The following SEPHS1 variants were observed in gnomAD, a reference collection of about 807,000 sequenced individuals.
SEPHS1 encodes zincore component SEPHS1.
SEPHS1 carries 7 observed loss-of-function variants against 39.2 expected under a neutral mutation model. That is an observed-to-expected ratio of 0.18 (90% CI 0.10 to 0.34). The LOEUF is 0.34. SEPHS1 is among the 10% of genes least tolerant of loss of function. The pLI is 1.00. For synonymous variants in SEPHS1, 190 were observed against 195.5 expected (o/e 0.97, Z 0.23); for missense variants, 253 against 514.5 (o/e 0.49, Z 4.92).
At chr10:13,335,992 A>AAG (rs1833620518) in intron 4 of SEPHS1, among the ~76,000 whole-genome samples, 1 of 151,234 alleles carries the variant, frequency 6.6e-6, no homozygotes, top group Non-Finnish European at 1.5e-5. Context: ...AAAAAAAAAA[A>AAG]AAAAAAAGTC....
At chr10:13,343,677 T>TG (rs36072408) in intron 2 of SEPHS1, among the ~76,000 whole-genome samples, 96,384 of 151,700 alleles carry the variant, frequency 0.64, 30,860 homozygotes, top group East Asian at 0.77. Context: ...TAGCCGGGCA[T>TG]GTGGCAGGGG....
rs887014474 is a variant in SEPHS1 at position 13,322,743 on chromosome 10, T to TGG, written c.964+90_964+91dup. On this transcript the variant is annotated intron_variant, in intron 8 of 8. Transcript: ENST00000327347. ...TCAGCAGCATGGAACTCGAACAGAG[T>TGG]GGGGGCCCACTCGGGGTGGGGCTGC... The TGG allele has an allele frequency of 7.2e-5, 87 of 1,203,824 alleles. No homozygotes were observed. The African/African-American group carries it at 1.2e-3, about 17-fold the overall frequency. The allele number at this position is 1,203,824 out of a possible 1,614,324, so 74.6% of individuals were successfully genotyped here.
intron 7 of SEPHS1, among the ~76,000 whole-genome samples, chr10:13,325,330 C>T (rs1833232789): frequency 6.6e-6 from 1 of 152,118 alleles, no homozygotes; most frequent in Non-Finnish European, 1.5e-5. Flanking sequence ...CTCTGTGTCC[C>T]CACCTAAATC....
At chr10:13,342,072 G>A (rs903128096) in intron 2 of SEPHS1, among the ~76,000 whole-genome samples, 1 of 151,592 alleles carries the variant, frequency 6.6e-6, no homozygotes, top group African/African-American at 2.4e-5. Flanking sequence ...GAGGTCAGGA[G>A]ATCGAGACCA....
At chr10:13,338,592 G>T in intron 3 of SEPHS1, 113 bp downstream of exon 3, 1 of 792,926 alleles carries the variant, frequency 1.3e-6, no homozygotes, top group Non-Finnish European at 2.1e-6. Flanking sequence ...AGTATAGTCG[G>T]GATATAACAG....
intron 7 of SEPHS1, among the ~76,000 whole-genome samples, chr10:13,325,958 AAAAAAATAAT>A (rs1358613387): frequency 5.1e-5 from 6 of 117,826 alleles, no homozygotes; most frequent in Non-Finnish European, 8.4e-5. Flanking sequence ...AAAAAAAAAA[AAAAAAATAAT>A]AATAATAATA....
chr10:13,333,706 C>G (rs1045188147), intron 5 of SEPHS1, 111 bp downstream of exon 5: 2 of 1,135,294 alleles, frequency 1.8e-6, no homozygotes, highest in Non-Finnish European at 2.5e-6. Flanking sequence ...CTACCAAAGT[C>G]TGGGATCATA....
chr10:13,346,961 C>T (rs1055720173), intron 1 of SEPHS1, among the ~76,000 whole-genome samples: 2 of 151,932 alleles, frequency 1.3e-5, no homozygotes, highest in Non-Finnish European at 2.9e-5. Context: ...AGCCTCACAT[C>T]CTAATGAAAA....
intron 6 of SEPHS1, 88 bp downstream of exon 6, chr10:13,329,610 A>G (rs1486972465): frequency 1.0e-6 from 1 of 986,268 alleles, no homozygotes; most frequent in African/African-American, 1.6e-5. Context: ...ATATGAAACT[A>G]AAAAACCTCA....
At chr10:13,346,216 C>T (rs916342359) in intron 1 of SEPHS1, among the ~76,000 whole-genome samples, 18 of 152,170 alleles carry the variant, frequency 1.2e-4, no homozygotes, top group African/African-American at 4.3e-4. Flanking sequence ...CGTTTTTTAG[C>T]CTTTGGGGCT....
chr10:13,324,617 T>C (rs927423646), intron 7 of SEPHS1, among the ~76,000 whole-genome samples: 2 of 152,196 alleles, frequency 1.3e-5, no homozygotes, highest in African/African-American at 4.8e-5. Context: ...TCAGTGTTTT[T>C]GGGTTTTTTT....
In SEPHS1 at chr10:13,329,680, C is replaced by A; in HGVS notation, c.651+18G>T. The A allele has an allele frequency of 6.3e-7, 1 of 1,577,642 alleles. No individual in the cohort carries two copies. Among genetic ancestry groups the A allele is most frequent in the Admixed American group, 1.8e-5 (1 of 55,410 alleles). On this transcript the variant is annotated intron_variant, in intron 6 of 8. Transcript: ENST00000327347. The stretch of plus-strand genomic sequence containing the variant: ...CGTACCATTCCCCTCCCTCCCATCA[C>A]AGCAGTGGTTTACTCACGATATCCA...
chr10:13,319,407 C>G, intron 8 of SEPHS1, 51 bp from the exon 9 acceptor site: 1 of 1,575,748 alleles, frequency 6.3e-7, no homozygotes, highest in Non-Finnish European at 8.7e-7. Context: ...ACAGCAGCTT[C>G]TCTGCCTCTG....
intron 8 of SEPHS1, among the ~76,000 whole-genome samples, chr10:13,319,601 C>T (rs142300642): frequency 3.9e-5 from 6 of 152,318 alleles, no homozygotes; most frequent in African/African-American, 1.4e-4. Flanking sequence ...GACCCTCCCA[C>T]TTCAGCTTTC....
chr10:13,322,298 C>G (rs370673996), intron 8 of SEPHS1, among the ~76,000 whole-genome samples: 2 of 151,878 alleles, frequency 1.3e-5, no homozygotes, highest in African/African-American at 4.8e-5. Flanking sequence ...TGGACCACCA[C>G]GCCCAGCTAC....
At chr10:13,325,217 C>T (rs547729538) in intron 7 of SEPHS1, among the ~76,000 whole-genome samples, 12 of 152,294 alleles carry the variant, frequency 7.9e-5, no homozygotes, top group Admixed American at 3.3e-4. Flanking sequence ...GTTATAAAGT[C>T]ATCACCAAAC....
intron 4 of SEPHS1, 45 bp from the exon 5 acceptor site, chr10:13,334,016 C>T: frequency 6.5e-7 from 1 of 1,531,860 alleles, no homozygotes; most frequent in South Asian, 1.2e-5. Flanking sequence ...GAATTCTGTT[C>T]AAAACCCAGA....
intron 7 of SEPHS1, among the ~76,000 whole-genome samples, chr10:13,326,630 C>G (rs1426952909): frequency 6.6e-6 from 1 of 151,292 alleles, no homozygotes; most frequent in African/African-American, 2.4e-5. Flanking sequence ...TCACTGCAGT[C>G]TCAACATCCT....
Position 13,344,786 on chromosome 10 carries a change from C to T in SEPHS1, c.165G>A (p.Gln55=), listed in dbSNP as rs1172701682. The part of the protein sequence containing the change: ...LQENHFQEDE[Q]FLGAVMPRLG... ...GCCTTGGCATAACGGCTCCCAGAAA[C>T]TGCTCATCTTCTTGGAAGTGGTTCT... Residue 55 remains glutamine, a synonymous_variant, in exon 2 of 9, where the codon CAG becomes CAA. Coordinates refer to ENST00000327347, the MANE Select transcript of SEPHS1 (RefSeq NM_012247.5). 1 of 1,558,116 alleles carries T rather than the reference C, an allele frequency of 6.4e-7. No homozygotes were observed. Among genetic ancestry groups the T allele is most frequent in the African/African-American group, 1.4e-5 (1 of 73,476 alleles).
Sources: allele counts gnomAD v4.1 joint callset (sites outside exome capture counted in the v4.1 genomes callset), GRCh38; gene constraint gnomAD v4.1.1; transcripts MANE v1.5; gene names NCBI Gene and HGNC (gene_info 2026-07-23, HGNC 2026-07-21).